Variants in MYT1L observed in about 807,000 individuals in gnomAD.
MYT1L encodes myelin transcription factor 1 like.
A neutral mutation model predicts 126.7 loss-of-function variants in MYT1L; 12 were observed. The ratio of observed to expected loss-of-function variants is 0.09; its 90% confidence interval spans 0.06 to 0.15. The LOEUF (loss-of-function observed/expected upper bound fraction) is 0.15, where lower values mean the gene tolerates loss of function less well. MYT1L is among the 10% of genes least tolerant of loss of function. The pLI, the probability that MYT1L is intolerant of heterozygous loss-of-function variation, is 1.00. For missense variants in MYT1L, 979 were observed against 1,585.2 expected, an observed-to-expected ratio of 0.62 and a Z score of 6.49; for synonymous variants, 541 against 604.2, an observed-to-expected ratio of 0.90 and a Z score of 1.53.
chr2:1,947,439 G>A (rs1178363819), intron 8 of MYT1L, among the ~76,000 whole-genome samples: 1 of 152,208 alleles, frequency 6.6e-6, no homozygotes, highest in African/African-American at 2.4e-5. Flanking sequence ...TATCCGGCTA[G>A]GAGGACGTTT....
intron 2 of MYT1L, among the ~76,000 whole-genome samples, chr2:2,173,978 G>A (rs1213933437): frequency 6.6e-6 from 1 of 152,118 alleles, no homozygotes; most frequent in Non-Finnish European, 1.5e-5. Context: ...GATTTCCTAG[G>A]AAACACAAAG....
At chr2:2,150,825 G>A (rs1438192893) in intron 3 of MYT1L, among the ~76,000 whole-genome samples, 2 of 145,888 alleles carry the variant, frequency 1.4e-5, no homozygotes, top group African/African-American at 5.0e-5. Context: ...AGGGAGTGAA[G>A]AGGAAAGGAA....
At chr2:1,872,860 A>G (rs915912644) in intron 18 of MYT1L, among the ~76,000 whole-genome samples, 1 of 152,250 alleles carries the variant, frequency 6.6e-6, no homozygotes, top group African/African-American at 2.4e-5. Context: ...ACATGAGCCC[A>G]TTTAATTTTA....
chr2:1,862,680 T>G (rs1389729912), intron 18 of MYT1L, among the ~76,000 whole-genome samples: 1 of 152,228 alleles, frequency 6.6e-6, no homozygotes, highest in African/African-American at 2.4e-5. Context: ...CACTGTCCTC[T>G]GCTTCTCATG....
chr2:2,099,402 C>T (rs1419126382), intron 3 of MYT1L, among the ~76,000 whole-genome samples: 1 of 151,362 alleles, frequency 6.6e-6, no homozygotes, highest in Admixed American at 6.6e-5. Flanking sequence ...AAACTAAGGG[C>T]TAATTCATAA....
In MYT1L at chr2:2,154,844, C is replaced by T. The variant is rs115208903; in HGVS notation, c.-304+18028G>A. On this transcript the variant is annotated intron_variant, in intron 3 of 24. Coordinates refer to ENST00000647738, the MANE Select transcript of MYT1L (RefSeq NM_001303052.2). Reference sequence around the variant, plus strand: ...AAATTAAAAGTTAAGAAAATAAATGCGGCCGGGTGCAGTGGCTCATGCCTA... The same window carrying T: ...AAATTAAAAGTTAAGAAAATAAATGTGGCCGGGTGCAGTGGCTCATGCCTA... Among the ~76,000 whole-genome samples, 286 of 152,216 alleles carry T rather than the reference C, an allele frequency of 1.9e-3. 2 individuals are homozygous for T. The highest frequency in any genetic ancestry group is 6.2e-3 in the African/African-American group (258 of 41,536).
intron 3 of MYT1L, among the ~76,000 whole-genome samples, chr2:2,074,464 A>G (rs1185537459): frequency 6.6e-6 from 1 of 152,256 alleles, no homozygotes; most frequent in Non-Finnish European, 1.5e-5. Context: ...GGTAAGTACA[A>G]TAAATTGTAG....
intron 18 of MYT1L, among the ~76,000 whole-genome samples, chr2:1,870,890 G>A (rs1434620037): frequency 6.6e-6 from 1 of 152,226 alleles, no homozygotes; most frequent in Non-Finnish European, 1.5e-5. Flanking sequence ...GCAGTGTGTG[G>A]AGACCCAGCT....
intron 2 of MYT1L, among the ~76,000 whole-genome samples, chr2:2,260,262 A>T (rs1293423356): frequency 1.3e-5 from 2 of 152,230 alleles, no homozygotes. Context: ...TGAAATGGGC[A>T]TTGGAGTAAT....
At chr2:1,812,994 G>A (rs1221989159) in intron 21 of MYT1L, among the ~76,000 whole-genome samples, 4 of 152,162 alleles carry the variant, frequency 2.6e-5, no homozygotes, top group Non-Finnish European at 5.9e-5. Context: ...TAGGACAAGG[G>A]TGACGCCTGG....
At chr2:2,300,506 G>T (rs1019397951) in intron 1 of MYT1L, among the ~76,000 whole-genome samples, 1 of 152,152 alleles carries the variant, frequency 6.6e-6, no homozygotes, top group African/African-American at 2.4e-5. Flanking sequence ...TCTCATTAGT[G>T]TGAGGCACAA....
At chr2:1,901,339 A>T (rs1558330746) in intron 14 of MYT1L, among the ~76,000 whole-genome samples, 1 of 152,250 alleles carries the variant, frequency 6.6e-6, no homozygotes, top group Non-Finnish European at 1.5e-5. Flanking sequence ...AACGTCAATG[A>T]ATTGGAAATC....
intron 9 of MYT1L, among the ~76,000 whole-genome samples, chr2:1,924,741 C>T (rs1176249798): frequency 6.6e-6 from 1 of 152,164 alleles, no homozygotes; most frequent in South Asian, 2.1e-4. Context: ...TGCCCTTCTT[C>T]TGGATAATTC....
intron 8 of MYT1L, among the ~76,000 whole-genome samples, chr2:1,954,516 A>G (rs1360523134): frequency 6.6e-6 from 1 of 152,190 alleles, no homozygotes; most frequent in Non-Finnish European, 1.5e-5. Flanking sequence ...GCACAGCAGC[A>G]CAGACGATGG....
chr2:2,094,304 C>A (rs1182362305), intron 3 of MYT1L, among the ~76,000 whole-genome samples: 2 of 152,136 alleles, frequency 1.3e-5, no homozygotes, highest in Non-Finnish European at 2.9e-5. Context: ...AATAGGAACA[C>A]TTTTACATTG....
At chr2:1,830,953 A>G (rs2040080701) in intron 21 of MYT1L, among the ~76,000 whole-genome samples, 1 of 152,164 alleles carries the variant, frequency 6.6e-6, no homozygotes, top group Admixed American at 6.5e-5. Flanking sequence ...TAAGGCTCCC[A>G]CGCTGCTGTC....
In MYT1L at chr2:1,976,119, C is replaced by CAAAA. The variant is rs10622987; in HGVS notation, c.152+3042_152+3045dup. Among the ~76,000 whole-genome samples, 262 of 104,226 alleles carry CAAAA rather than the reference C, an allele frequency of 2.5e-3. 2 individuals carry two copies. Among genetic ancestry groups the CAAAA allele is most frequent in the African/African-American group, 6.1e-3 (185 of 30,250 alleles). The allele number at this position is 104,226 out of a possible 152,430, so 68.4% of individuals were successfully genotyped here. ...TTGGAAACATTTATTGTTAAAAGACCAAAAAAAAAAAAAAAAAAAGACATG... is the reference window on the plus strand; with the variant it reads ...TTGGAAACATTTATTGTTAAAAGACCAAAAAAAAAAAAAAAAAAAAAAAGACATG... On this transcript the variant is annotated intron_variant, in intron 8 of 24. Transcript: ENST00000647738.
At position 2,108,027 on chromosome 2, in the gene MYT1L, A is replaced by G. The variant is rs151049902; in HGVS notation, c.-303-53904T>C. 1.1e-3 allele frequency among the ~76,000 whole-genome samples: 165 copies of G among 152,168 alleles called. 2 individuals are homozygous for G. Among genetic ancestry groups the G allele is most frequent in the African/African-American group, 3.8e-3 (156 of 41,526 alleles). On this transcript the variant is annotated intron_variant, in intron 3 of 24. Coordinates refer to ENST00000647738, the MANE Select transcript of MYT1L (RefSeq NM_001303052.2). ...GGCATATGCTTGAATAAACCTCACT[A>G]CCTGAGCAATGAAATTTATTTTTAC...
intron 3 of MYT1L, among the ~76,000 whole-genome samples, chr2:2,084,593 G>A (rs1052362322): frequency 2.6e-5 from 4 of 152,116 alleles, no homozygotes; most frequent in East Asian, 1.9e-4. Flanking sequence ...GGCAACAGTC[G>A]CTGCAGAAAC....
Sources: gnomAD v4.1 joint callset for allele counts (sites outside exome capture counted in the v4.1 genomes callset) on GRCh38, gnomAD v4.1.1 for gene constraint, MANE v1.5 for transcripts, NCBI Gene and HGNC (gene_info 2026-07-23, HGNC 2026-07-21) for gene names.